The following EFNA5 variants were observed in gnomAD, a reference collection of about 807,000 sequenced individuals.
EFNA5 encodes ephrin-A5.
Under a neutral mutation model 22.9 loss-of-function variants are expected in EFNA5, and 5 were observed. That is an observed-to-expected ratio of 0.22 (90% confidence interval 0.11 to 0.46). EFNA5 has a LOEUF of 0.46. Among genes scored for constraint, EFNA5 ranks in the 20% least tolerant of loss-of-function variants. The pLI is 0.99. For missense variants in EFNA5, 237 were observed against 293.3 expected (o/e 0.81, Z 1.40); for synonymous variants, 113 against 112.2 (o/e 1.01, Z -0.04).
chr5:107,566,617 G>A (rs532233624), intron 1 of EFNA5, among the ~76,000 whole-genome samples: 2 of 152,232 alleles, frequency 1.3e-5, no homozygotes, highest in Admixed American at 1.3e-4. Context: ...CTTCACAAGA[G>A]GGAGCACCCA....
intron 1 of EFNA5, among the ~76,000 whole-genome samples, chr5:107,481,355 G>T (rs1036883483): frequency 6.6e-6 from 1 of 152,154 alleles, no homozygotes; most frequent in Non-Finnish European, 1.5e-5. Context: ...CATCGCACTG[G>T]GCCAGGATCC....
At chr5:107,604,693 A>G (rs1317649424) in intron 1 of EFNA5, among the ~76,000 whole-genome samples, 4 of 152,226 alleles carry the variant, frequency 2.6e-5, no homozygotes, top group Non-Finnish European at 4.4e-5. Context: ...TGTAGTATCT[A>G]TATTCATCAC....
At chr5:107,538,460 A>T (rs1747971475) in intron 1 of EFNA5, among the ~76,000 whole-genome samples, 1 of 152,230 alleles carries the variant, frequency 6.6e-6, no homozygotes, top group African/African-American at 2.4e-5. Flanking sequence ...CCCAAATTGA[A>T]TATTCCATTA....
intron 1 of EFNA5, among the ~76,000 whole-genome samples, chr5:107,635,012 T>C (rs1045362681): frequency 1.3e-5 from 2 of 152,274 alleles, no homozygotes; most frequent in Middle Eastern, 3.4e-3. Flanking sequence ...TCTAGAAATA[T>C]TCCAAAATTA....
chr5:107,470,416 T>C (rs1580473465), intron 1 of EFNA5, among the ~76,000 whole-genome samples: 1 of 152,188 alleles, frequency 6.6e-6, no homozygotes, highest in African/African-American at 2.4e-5. Flanking sequence ...AAATGACTAA[T>C]CTCCAATTAT....
At chr5:107,616,583 G>A (rs1480797777) in intron 1 of EFNA5, among the ~76,000 whole-genome samples, 1 of 152,080 alleles carries the variant, frequency 6.6e-6, no homozygotes, top group Non-Finnish European at 1.5e-5. Context: ...AAGCTCCAGA[G>A]CTGCTCGTGT....
chr5:107,516,777 T>G (rs1192940412), intron 1 of EFNA5, among the ~76,000 whole-genome samples: 1 of 152,214 alleles, frequency 6.6e-6, no homozygotes, highest in Non-Finnish European at 1.5e-5. Flanking sequence ...CTTGCTCCTC[T>G]GTAGGCTTAG....
intron 1 of EFNA5, among the ~76,000 whole-genome samples, chr5:107,565,276 A>T (rs1269301852): frequency 1.3e-5 from 2 of 152,204 alleles, no homozygotes; most frequent in African/African-American, 4.8e-5. Flanking sequence ...TTTTATCAAG[A>T]TAGAGTTAGG....
intron 1 of EFNA5, among the ~76,000 whole-genome samples, chr5:107,605,785 C>T (rs1417541846): frequency 2.0e-5 from 3 of 152,184 alleles, no homozygotes; most frequent in South Asian, 4.1e-4. Flanking sequence ...CCTGCCCCAA[C>T]CTCTCTTCCC....
At chr5:107,452,894 C>G (rs1419854437) in intron 1 of EFNA5, among the ~76,000 whole-genome samples, 1 of 152,080 alleles carries the variant, frequency 6.6e-6, no homozygotes, top group Non-Finnish European at 1.5e-5. Flanking sequence ...CTCCAAAACA[C>G]AAAATATTTC....
In EFNA5 at chr5:107,430,069, C is replaced by T. The variant is rs1009637408; in HGVS notation, c.126-2560G>A. On this transcript the variant is annotated intron_variant, in intron 1 of 4. Transcript: ENST00000333274. ...ACTACATAACCATTTTTTTAAAAACCGAAAACACTTGGAAGTATTTATATA... is the reference window on the plus strand; with the variant it reads ...ACTACATAACCATTTTTTTAAAAACTGAAAACACTTGGAAGTATTTATATA... 9.9e-5 allele frequency among the ~76,000 whole-genome samples: 15 copies of T among 152,104 alleles called. 1 individual carries two copies. In the South Asian group the frequency reaches 1.5e-3, roughly 15 times the overall value.
chr5:107,465,952 C>A (rs951356671), intron 1 of EFNA5, among the ~76,000 whole-genome samples: 2 of 152,068 alleles, frequency 1.3e-5, no homozygotes, highest in African/African-American at 4.8e-5. Flanking sequence ...CTACACCCAG[C>A]CACACTGTGA....
At chr5:107,534,274 A>T (rs1262004974) in intron 1 of EFNA5, among the ~76,000 whole-genome samples, 2 of 152,186 alleles carry the variant, frequency 1.3e-5, no homozygotes, top group East Asian at 3.9e-4. Flanking sequence ...GGGGTCTGAT[A>T]CTATCTTCCT....
chr5:107,385,752 G>A (rs191660647), intron 4 of EFNA5, among the ~76,000 whole-genome samples: 1 of 152,254 alleles, frequency 6.6e-6, no homozygotes, highest in East Asian at 1.9e-4. Flanking sequence ...CTGAGCTTGT[G>A]AGGACTCTGG....
chr5:107,565,861 T>C (rs181281746), intron 1 of EFNA5, among the ~76,000 whole-genome samples: 35 of 152,322 alleles, frequency 2.3e-4, no homozygotes, highest in Admixed American at 1.8e-3. Context: ...AGGAAGAAGA[T>C]GGAGGAGAAA....
rs946792506 is a variant in EFNA5 at position 107,463,913 on chromosome 5, C to G, written c.126-36404G>C. ...CACCGAGCTGCATCTAAGTACCTAA[C>G]TGGGAAAATGTTTTGTGTGGCATCA... On this transcript the variant is annotated intron_variant, in intron 1 of 4. Transcript: ENST00000333274. Among the ~76,000 whole-genome samples, 6 of 152,076 alleles carry G rather than the reference C, an allele frequency of 3.9e-5. 1 individual carries two copies. Among genetic ancestry groups the G allele is most frequent in the African/African-American group, 1.4e-4 (6 of 41,402 alleles).
At chr5:107,509,044 G>C (rs571406413) in intron 1 of EFNA5, among the ~76,000 whole-genome samples, 1 of 152,238 alleles carries the variant, frequency 6.6e-6, no homozygotes, top group Non-Finnish European at 1.5e-5. Flanking sequence ...AGTTGCATTT[G>C]GACAAAGTGC....
At chr5:107,644,275 G>C (rs528900463) in intron 1 of EFNA5, among the ~76,000 whole-genome samples, 11 of 152,094 alleles carry the variant, frequency 7.2e-5, no homozygotes, top group African/African-American at 2.7e-4. Context: ...GCTCAGATTC[G>C]TCAGACAAAT....
chr5:107,606,537 C>G (rs1212164339), intron 1 of EFNA5, among the ~76,000 whole-genome samples: 6 of 106,444 alleles, frequency 5.6e-5, no homozygotes, highest in Non-Finnish European at 1.2e-4. Context: ...CTTGCACGTA[C>G]AACACACACA....
Sources: allele counts gnomAD v4.1 joint callset (sites outside exome capture counted in the v4.1 genomes callset), GRCh38; gene constraint gnomAD v4.1.1; transcripts MANE v1.5; gene names NCBI Gene and HGNC (gene_info 2026-07-23, HGNC 2026-07-21).